The following OR6C65 variants were observed in gnomAD, a reference collection of about 807,000 sequenced individuals.
The protein encoded by OR6C65 is olfactory receptor family 6 subfamily C member 65, also known as olfactory receptor 6C65.
For missense variants in OR6C65, 379 were observed against 366.2 expected, an observed-to-expected ratio of 1.03 and a Z score of -0.29; for synonymous variants, 126 against 127.5, an observed-to-expected ratio of 0.99 and a Z score of 0.08.
Position 55,401,136 on chromosome 12 carries a change from TCA to T in OR6C65, c.612_613del (p.Leu205HisfsTer16). ...CTTATGGCATTTTTGCTAGCAGTATTCACACTCATGGTAACTTTGGCCTTGGT... is the reference window on the plus strand; with the variant it reads ...CTTATGGCATTTTTGCTAGCAGTATTCACTCATGGTAACTTTGGCCTTGGT... On this transcript the variant is annotated frameshift_variant, in exon 1 of 1. Transcript: ENST00000379665. LOFTEE classifies it low-confidence loss of function (END_TRUNC). 1 of 1,614,158 alleles carries T rather than the reference TCA, an allele frequency of 6.2e-7. No individual in the cohort carries two copies. The highest frequency in any genetic ancestry group is 1.1e-5 in the South Asian group (1 of 91,084).
chr12:55,401,002 G>A lies in OR6C65; in HGVS notation c.474G>A (p.Val158=), dbSNP rs1870486901. ...GTTTTCTCATTATTTTTCCCCCCGT[G>A]ATTATGGGCCTCCAACTGGATTTTT... The part of the protein sequence containing the change: ...LAGFLIIFPP[V]IMGLQLDFCD... Residue 158 remains valine (V), a synonymous_variant, in exon 1 of 1, where the codon GTG becomes GTA. Transcript: ENST00000379665. 1.2e-6 allele frequency: 2 copies of A among 1,613,930 alleles called. No homozygotes were observed. The highest frequency in any genetic ancestry group is 8.5e-7 in the Non-Finnish European group (1 of 1,180,006).
Position 55,401,202 on chromosome 12 carries a change from A to G in OR6C65, c.674A>G (p.Lys225Arg). ...SYTLILKTILKIPSAQQRKKA... is the reference protein window; with the variant it reads ...SYTLILKTILRIPSAQQRKKA... ...ACACTCATCCTTAAAACAATTCTGAAGATTCCCTCTGCCCAGCAAAGGAAA... is the reference window on the plus strand; with the variant it reads ...ACACTCATCCTTAAAACAATTCTGAGGATTCCCTCTGCCCAGCAAAGGAAA... Residue 225 changes from lysine (K) to arginine (R), a missense_variant, in exon 1 of 1, where the codon AAG (lysine) becomes AGG (arginine). By Grantham distance (26) the Lys-to-Arg change is conservative (BLOSUM62 2). Transcript: ENST00000379665. 2 of 1,614,086 alleles carry G rather than the reference A, an allele frequency of 1.2e-6. No homozygotes were observed. The highest frequency in any genetic ancestry group is 1.7e-6 in the Non-Finnish European group (2 of 1,179,986).
chr12:55,401,193 C>T lies in OR6C65; in HGVS notation c.665C>T (p.Thr222Ile), dbSNP rs768482538. 135 of 1,613,928 alleles carry T rather than the reference C, an allele frequency of 8.4e-5. No individual in the cohort carries two copies. Among genetic ancestry groups the T allele is most frequent in the Middle Eastern group, 1.6e-4 (1 of 6,084 alleles). The change falls in exon 1 of 1, where the codon ACA becomes ATA. Residue 222 changes from threonine to isoleucine, a missense_variant. By Grantham distance (89) the Thr-to-Ile change is moderately conservative. Transcript: ENST00000379665. Reference sequence around the variant, plus strand: ...CTCTCCTACACACTCATCCTTAAAACAATTCTGAAGATTCCCTCTGCCCAG... The same window carrying T: ...CTCTCCTACACACTCATCCTTAAAATAATTCTGAAGATTCCCTCTGCCCAG... Reference protein sequence around the residue: ...VVLSYTLILKTILKIPSAQQR... With the variant: ...VVLSYTLILKIILKIPSAQQR...
chr12:55,400,794 C>T lies in OR6C65; in HGVS notation c.266C>T (p.Thr89Ile), dbSNP rs775376507. 1 of 1,613,052 alleles carries T rather than the reference C, an allele frequency of 6.2e-7. No homozygotes were observed. The highest frequency in any genetic ancestry group is 2.2e-5 in the East Asian group (1 of 44,874). ...ATCAACATTGCTACAGGAGACACAACCATTTCCTATAATGCTTCCATGGCC... is the reference window on the plus strand; with the variant it reads ...ATCAACATTGCTACAGGAGACACAATCATTTCCTATAATGCTTCCATGGCC... ...FLINIATGDT[T>I]ISYNASMAQV... Residue 89 changes from threonine (T) to isoleucine (I), a missense_variant, in exon 1 of 1, where the codon ACC (threonine) becomes ATC (isoleucine). By Grantham distance (89) the Thr-to-Ile change is moderately conservative. Transcript: ENST00000379665.
At position 55,401,310 on chromosome 12, in the gene OR6C65, C is replaced by T; in HGVS notation, c.782C>T (p.Ser261Phe). The T allele has an allele frequency of 6.2e-7, 1 of 1,614,114 alleles. No homozygotes were observed. The highest frequency in any genetic ancestry group is 8.5e-7 in the Non-Finnish European group (1 of 1,179,982). ...TGCATTTTTATGTGTGTAAAAACAT[C>T]TGCAAAAGAAGGTATGGCTTTGAGC... The part of the protein sequence containing the change: ...GSCIFMCVKT[S>F]AKEGMALSKG... Residue 261 changes from serine to phenylalanine, a missense_variant, in exon 1 of 1, where the codon TCT (serine) becomes TTT (phenylalanine). By Grantham distance (155) the Ser-to-Phe change is radical. Coordinates refer to ENST00000379665, the MANE Select transcript of OR6C65 (RefSeq NM_001005518.1).
rs1870489456 is a variant in OR6C65 at position 55,401,103 on chromosome 12, T to C, written c.575T>C (p.Phe192Ser). 6.2e-7 allele frequency: 1 copy of C among 1,614,150 alleles called. No homozygotes were observed. The change falls in exon 1 of 1, where the codon TTT becomes TCT. Residue 192 changes from phenylalanine (F) to serine (S), a missense_variant. Phe to Ser is a radical substitution (Grantham distance 155, BLOSUM62 -2). Transcript: ENST00000379665. ...CTGATTGCTTGCACAGACACACAGT[T>C]TCTAGAGCTTATGGCATTTTTGCTA... ...MLLIACTDTQ[F>S]LELMAFLLAV...
In OR6C65 at chr12:55,400,560, T is replaced by G; in HGVS notation, c.32T>G (p.Ile11Ser). 1.3e-6 allele frequency: 2 copies of G among 1,544,938 alleles called. No homozygotes were observed. Among genetic ancestry groups the G allele is most frequent in the Non-Finnish European group, 1.7e-6 (2 of 1,146,862 alleles). The change falls in exon 1 of 1, where the codon ATT becomes AGT. Residue 11 changes from isoleucine to serine, a missense_variant. Ile to Ser is a moderately radical substitution (Grantham distance 142). Coordinates refer to ENST00000379665, the MANE Select transcript of OR6C65 (RefSeq NM_001005518.1). MPNMTSIREFILLGFTDNPEL... is the reference protein window; with the variant it reads MPNMTSIREFSLLGFTDNPEL... ...AATATGACATCAATTAGAGAATTCA[T>G]TCTTCTGGGATTTACAGATAACCCA...
At position 55,401,313 on chromosome 12, in the gene OR6C65, C is replaced by A; in HGVS notation, c.785C>A (p.Ala262Glu). The change falls in exon 1 of 1, where the codon GCA (alanine) becomes GAA (glutamate). Residue 262 changes from alanine (A) to glutamate (E), a missense_variant. Physicochemically the swap from Ala to Glu is moderately radical, Grantham distance 107. Coordinates refer to ENST00000379665, the MANE Select transcript of OR6C65 (RefSeq NM_001005518.1). ...SCIFMCVKTS[A>E]KEGMALSKGV... ...ATTTTTATGTGTGTAAAAACATCTG[C>A]AAAAGAAGGTATGGCTTTGAGCAAA... 6.2e-7 allele frequency: 1 copy of A among 1,614,088 alleles called. No individual in the cohort carries two copies. Among genetic ancestry groups the A allele is most frequent in the East Asian group, 2.2e-5 (1 of 44,872 alleles).
Position 55,401,052 on chromosome 12 carries a change from T to A in OR6C65, c.524T>A (p.Phe175Tyr), listed in dbSNP as rs1009800810. Residue 175 changes from phenylalanine (F) to tyrosine (Y), a missense_variant, in exon 1 of 1, where the codon TTC becomes TAC. Phe to Tyr is a conservative substitution (Grantham distance 22). Coordinates refer to ENST00000379665, the MANE Select transcript of OR6C65 (RefSeq NM_001005518.1). ...DFCDSSTIDH[F>Y]ICDSSPMLLI... The stretch of plus-strand genomic sequence containing the variant: ...TGTGACTCCAGCACTATTGACCATT[T>A]CATCTGTGATTCTTCCCCTATGCTG... 5 of 1,614,084 alleles carry A rather than the reference T, an allele frequency of 3.1e-6. No individual in the cohort carries two copies. The African/African-American group carries it at 6.7e-5, about 22-fold the overall frequency.
At position 55,400,848 on chromosome 12, in the gene OR6C65, C is replaced by A; in HGVS notation, c.320C>A (p.Ser107Ter). The change falls in exon 1 of 1, where the codon TCA becomes TAA. Residue 107 changes from serine to a stop codon, truncating the protein, a stop_gained. Transcript: ENST00000379665. LOFTEE classifies it low-confidence loss of function (END_TRUNC). ...AQVFFLILLG[S>*]TEFFLLAVMS... The stretch of plus-strand genomic sequence containing the variant: ...GTATTTTTTTTAATTCTTTTGGGAT[C>A]AACAGAATTTTTTCTTCTGGCTGTC... The A allele has an allele frequency of 1.2e-6, 2 of 1,611,840 alleles. No individual in the cohort carries two copies. The highest frequency in any genetic ancestry group is 2.2e-5 in the East Asian group (1 of 44,854).
rs79515676 is a variant in OR6C65 at position 55,401,101 on chromosome 12, G to A, written c.573G>A (p.Gln191=). 1,511 of 1,614,106 alleles carry A rather than the reference G, an allele frequency of 9.4e-4. 25 individuals carry two copies. In the East Asian group the frequency reaches 0.023, roughly 25 times the overall value. ...PMLLIACTDT[Q]FLELMAFLLA... is the part of the protein sequence containing the mutation. ...TGCTGATTGCTTGCACAGACACACA[G>A]TTTCTAGAGCTTATGGCATTTTTGC... Residue 191 remains glutamine, a synonymous_variant, in exon 1 of 1, where the codon CAG becomes CAA. Coordinates refer to ENST00000379665, the MANE Select transcript of OR6C65 (RefSeq NM_001005518.1).
Position 55,400,667 on chromosome 12 carries a change from A to G in OR6C65, c.139A>G (p.Thr47Ala), listed in dbSNP as rs1436805471. Residue 47 changes from threonine (T) to alanine (A), a missense_variant, in exon 1 of 1, where the codon ACA becomes GCA. Physicochemically the swap from Thr to Ala is moderately conservative, Grantham distance 58. Transcript: ENST00000379665. ...VSGNMIIIML[T>A]LSNIHLKTPM... The stretch of plus-strand genomic sequence containing the variant: ...TGGAAACATGATCATCATTATGTTA[A>G]CATTGTCAAATATTCATTTGAAAAC... The G allele has an allele frequency of 5.0e-6, 8 of 1,602,898 alleles. No homozygotes were observed. Among genetic ancestry groups the G allele is most frequent in the Non-Finnish European group, 6.8e-6 (8 of 1,170,674 alleles).
At position 55,400,992 on chromosome 12, in the gene OR6C65, T is replaced by C. The variant is rs755282025; in HGVS notation, c.464T>C (p.Phe155Ser). The C allele has an allele frequency of 1.2e-6, 2 of 1,614,164 alleles. No homozygotes were observed. The highest frequency in any genetic ancestry group is 1.7e-6 in the Non-Finnish European group (2 of 1,180,010). ...TGGCTGGCTGGTTTTCTCATTATTT[T>C]TCCCCCCGTGATTATGGGCCTCCAA... Reference protein sequence around the residue: ...SSWLAGFLIIFPPVIMGLQLD... With the variant: ...SSWLAGFLIISPPVIMGLQLD... Residue 155 changes from phenylalanine (F) to serine (S), a missense_variant, in exon 1 of 1, where the codon TTT (phenylalanine) becomes TCT (serine). Phe to Ser is a radical substitution (Grantham distance 155). Transcript: ENST00000379665.
At position 55,400,968 on chromosome 12, in the gene OR6C65, G is replaced by A; in HGVS notation, c.440G>A (p.Trp147Ter). Residue 147 changes from tryptophan to a stop codon, truncating the protein, a stop_gained, in exon 1 of 1, where the codon TGG becomes TAG. Coordinates refer to ENST00000379665, the MANE Select transcript of OR6C65 (RefSeq NM_001005518.1). LOFTEE classifies it low-confidence loss of function (END_TRUNC). Reference protein sequence around the residue: ...KVCNWLVISSWLAGFLIIFPP... With the variant: ...KVCNWLVISS The stretch of plus-strand genomic sequence containing the variant: ...TGTAATTGGCTTGTAATCAGCTCCT[G>A]GCTGGCTGGTTTTCTCATTATTTTT... 1 of 1,614,048 alleles carries A rather than the reference G, an allele frequency of 6.2e-7. No homozygotes were observed. Among genetic ancestry groups the A allele is most frequent in the Non-Finnish European group, 8.5e-7 (1 of 1,180,000 alleles).
At position 55,401,179 on chromosome 12, in the gene OR6C65, A is replaced by T; in HGVS notation, c.651A>T (p.Thr217=). 1 of 1,614,050 alleles carries T rather than the reference A, an allele frequency of 6.2e-7. No individual in the cohort carries two copies. The highest frequency in any genetic ancestry group is 8.5e-7 in the Non-Finnish European group (1 of 1,180,006). Residue 217 remains threonine, a synonymous_variant, in exon 1 of 1, where the codon ACA becomes ACT. Coordinates refer to ENST00000379665, the MANE Select transcript of OR6C65 (RefSeq NM_001005518.1). ...VTLALVVLSY[T]LILKTILKIP... ...TGGCCTTGGTGGTTCTCTCCTACAC[A>T]CTCATCCTTAAAACAATTCTGAAGA...
At position 55,400,799 on chromosome 12, in the gene OR6C65, T is replaced by C; in HGVS notation, c.271T>C (p.Ser91Pro). The C allele has an allele frequency of 6.2e-7, 1 of 1,613,296 alleles. No homozygotes were observed. ...CATTGCTACAGGAGACACAACCATTTCCTATAATGCTTCCATGGCCCAAGT... is the reference window on the plus strand; with the variant it reads ...CATTGCTACAGGAGACACAACCATTCCCTATAATGCTTCCATGGCCCAAGT... ...INIATGDTTI[S>P]YNASMAQVFF... The change falls in exon 1 of 1, where the codon TCC becomes CCC. Residue 91 changes from serine (S) to proline (P), a missense_variant. Coordinates refer to ENST00000379665, the MANE Select transcript of OR6C65 (RefSeq NM_001005518.1).
Position 55,401,437 on chromosome 12 carries a change from CA to C in OR6C65, c.916del (p.Ile306TyrfsTer4). On this transcript the variant is annotated frameshift_variant, in exon 1 of 1. Transcript: ENST00000379665. LOFTEE classifies it low-confidence loss of function (END_TRUNC). ...QVKQALREFT[K>X]KILSLNKQ is the part of the protein sequence containing the mutation. ...TGAAACAGGCCCTTAGGGAATTCACCAAAAAAATATTATCATTGAACAAGCA... is the reference window on the plus strand; with the variant it reads ...TGAAACAGGCCCTTAGGGAATTCACCAAAAAATATTATCATTGAACAAGCA... 6.3e-7 allele frequency: 1 copy of C among 1,576,566 alleles called. No individual in the cohort carries two copies. Among genetic ancestry groups the C allele is most frequent in the South Asian group, 1.2e-5 (1 of 85,854 alleles).
chr12:55,401,199 T>A lies in OR6C65; in HGVS notation c.671T>A (p.Leu224Gln). 6.2e-7 allele frequency: 1 copy of A among 1,614,156 alleles called. No homozygotes were observed. Among genetic ancestry groups the A allele is most frequent in the Non-Finnish European group, 8.5e-7 (1 of 1,180,002 alleles). Reference protein sequence around the residue: ...LSYTLILKTILKIPSAQQRKK... With the variant: ...LSYTLILKTIQKIPSAQQRKK... ...TACACACTCATCCTTAAAACAATTC[T>A]GAAGATTCCCTCTGCCCAGCAAAGG... The change falls in exon 1 of 1, where the codon CTG (leucine) becomes CAG (glutamine). Residue 224 changes from leucine (L) to glutamine (Q), a missense_variant. Leu to Gln is a moderately radical substitution (Grantham distance 113, BLOSUM62 -2). Transcript: ENST00000379665.
rs941430073 is a variant in OR6C65, at chr12:55,400,533, C to A, written c.5C>A (p.Pro2Gln). 1.3e-6 allele frequency: 2 copies of A among 1,517,380 alleles called. No individual in the cohort carries two copies. Among genetic ancestry groups the A allele is most frequent in the South Asian group, 1.3e-5 (1 of 74,562 alleles). 94.0% of individuals were successfully genotyped at this position (1,517,380 alleles called of 1,614,324 possible). A position where few individuals can be genotyped will look rare whatever the true frequency, so the allele number is the denominator to read the frequency against. The change falls in exon 1 of 1, where the codon CCA (proline) becomes CAA (glutamine). Residue 2 changes from proline to glutamine, a missense_variant. Coordinates refer to ENST00000379665, the MANE Select transcript of OR6C65 (RefSeq NM_001005518.1). M[P>Q]NMTSIREFIL... ...ATCAGAATTCAGAACTAAGCCATGC[C>A]AAATATGACATCAATTAGAGAATTC...
Sources: allele counts gnomAD v4.1 joint callset, GRCh38; gene constraint gnomAD v4.1.1; transcripts MANE v1.5; gene names NCBI Gene and HGNC (gene_info 2026-07-23, HGNC 2026-07-21).